Variants in KDM4B observed in about 807,000 individuals in gnomAD.
KDM4B encodes the protein lysine-specific demethylase 4B.
KDM4B carries 32 observed loss-of-function variants against 125.2 expected under a neutral mutation model. The ratio of observed to expected loss-of-function variants is 0.26; its 90% CI spans 0.19 to 0.34. The LOEUF (loss-of-function observed/expected upper bound fraction) is 0.34, where lower values mean the gene tolerates loss of function less well. Among genes scored for constraint, KDM4B ranks in the 10% least tolerant of loss-of-function variants. The pLI is 1.00. For synonymous variants in KDM4B, 721 were observed against 677.9 expected (o/e 1.06, Z -0.99); for missense variants, 1,190 against 1,577.7 (o/e 0.75, Z 4.16).
intron 1 of KDM4B, among the ~76,000 whole-genome samples, chr19:4,981,935 C>T (rs2145327816): frequency 6.6e-6 from 1 of 152,286 alleles, no homozygotes; most frequent in South Asian, 2.1e-4. Flanking sequence ...TGCCTCACAC[C>T]ATGGCCAGAA....
intron 1 of KDM4B, among the ~76,000 whole-genome samples, chr19:5,005,740 G>A (rs774768138): frequency 5.9e-5 from 9 of 152,252 alleles, no homozygotes; most frequent in Non-Finnish European, 1.3e-4. Flanking sequence ...CTCTAAGATC[G>A]CTCTTAGAGG....
intron 6 of KDM4B, among the ~76,000 whole-genome samples, chr19:5,067,819 C>T (rs2037821791): frequency 1.3e-5 from 2 of 152,124 alleles, no homozygotes; most frequent in Admixed American, 1.3e-4. Context: ...TGCAAGACCC[C>T]GTGCCACCCG....
intron 7 of KDM4B, chr19:5,074,447 A>G (rs1423828664): frequency 6.6e-6 from 1 of 152,180 alleles, no homozygotes. Context: ...AAATGGGCTC[A>G]CCGGGAGAGT....
At chr19:5,111,367 C>A (rs1293180751) in intron 10 of KDM4B, 2 of 761,700 alleles carry the variant, frequency 2.6e-6, no homozygotes, top group African/African-American at 3.4e-5. Context: ...TGCCCTCCTC[C>A]CACTCAGAAC....
chr19:4,994,881 G>C (rs999146320), intron 1 of KDM4B, among the ~76,000 whole-genome samples: 10 of 152,140 alleles, frequency 6.6e-5, no homozygotes, highest in Non-Finnish European at 1.2e-4. Flanking sequence ...AGTAGTTGCT[G>C]TCGGTCTTAT....
At chr19:5,143,761 G>A (rs919790064) in intron 18 of KDM4B, among the ~76,000 whole-genome samples, 2 of 152,214 alleles carry the variant, frequency 1.3e-5, no homozygotes, top group African/African-American at 4.8e-5. Context: ...AGGCTGAGCA[G>A]CAGGAGGCTG....
At chr19:5,062,074 G>C (rs1026091922) in intron 6 of KDM4B, among the ~76,000 whole-genome samples, 1 of 152,208 alleles carries the variant, frequency 6.6e-6, no homozygotes, top group Non-Finnish European at 1.5e-5. Context: ...CGTTTCTCCT[G>C]TGAGTCTTTG....
chr19:5,099,749 C>CA (rs2038896255), intron 9 of KDM4B, among the ~76,000 whole-genome samples: 2 of 152,234 alleles, frequency 1.3e-5, no homozygotes, highest in Non-Finnish European at 2.9e-5. Context: ...AAAGAGCCCC[C>CA]AGAGAGCTCC....
chr19:5,049,944 C>T (rs1392755597), intron 6 of KDM4B, among the ~76,000 whole-genome samples: 1 of 151,938 alleles, frequency 6.6e-6, no homozygotes. Context: ...GAGTGTCTGG[C>T]CTCTGGTCCC....
At position 5,144,145 on chromosome 19, in the gene KDM4B, G is replaced by A; in HGVS notation, c.2729G>A (p.Gly910Asp). 1 of 1,596,022 alleles carries A rather than the reference G, an allele frequency of 6.3e-7. No homozygotes were observed. Among genetic ancestry groups the A allele is most frequent in the Non-Finnish European group, 8.6e-7 (1 of 1,166,768 alleles). ...SITCLKHKSG[G>D]HAVQLLRAVS... The stretch of plus-strand genomic sequence containing the variant: ...ACCTGCCTCAAGCACAAGTCGGGGG[G>A]TCACGCTGTGAGTGCCTGCCCGCCT... The change falls in exon 19 of 23, where the codon GGT (glycine) becomes GAT (aspartate). Residue 910 changes from glycine to aspartate, a missense_variant. By Grantham distance (94) the Gly-to-Asp change is moderately conservative (BLOSUM62 -1). This residue lies in a region of KDM4B where 298 missense variants were observed against 439.7 expected (regional missense o/e 0.68). Coordinates refer to ENST00000159111, the MANE Select transcript of KDM4B (RefSeq NM_015015.3).
chr19:5,036,904 T>C (rs1018899531), intron 3 of KDM4B, among the ~76,000 whole-genome samples: 4 of 152,234 alleles, frequency 2.6e-5, no homozygotes, highest in African/African-American at 9.6e-5. Flanking sequence ...TCGTTCACGC[T>C]GCCTGTCAGC....
intron 7 of KDM4B, among the ~76,000 whole-genome samples, chr19:5,073,598 C>T (rs1317073377): frequency 6.6e-6 from 1 of 152,352 alleles, no homozygotes; most frequent in South Asian, 2.1e-4. Context: ...TTGACAGGAG[C>T]CTGCTGGAGA....
At chr19:5,064,584 G>A (rs533926102) in intron 6 of KDM4B, among the ~76,000 whole-genome samples, 4 of 152,272 alleles carry the variant, frequency 2.6e-5, no homozygotes, top group African/African-American at 9.6e-5. Flanking sequence ...TGTCACCTGG[G>A]AGAAAGCTAC....
chr19:5,088,808 G>A (rs957033284), intron 9 of KDM4B, among the ~76,000 whole-genome samples: 1 of 152,190 alleles, frequency 6.6e-6, no homozygotes, highest in Non-Finnish European at 1.5e-5. Context: ...AAGGAAGAAT[G>A]TGCATTGTTG....
At chr19:5,125,818 CAG>C in intron 11 of KDM4B, among the ~76,000 whole-genome samples, 1 of 94,386 alleles carries the variant, frequency 1.1e-5, no homozygotes, top group East Asian at 3.9e-4. Context: ...TGTTCCACGA[CAG>C]AGACTCCTGG....
chr19:5,026,932 G>T (rs947753844), intron 2 of KDM4B, among the ~76,000 whole-genome samples: 3 of 152,220 alleles, frequency 2.0e-5, no homozygotes, highest in African/African-American at 7.2e-5. Flanking sequence ...GATGGGGCAG[G>T]GCGGTGGGAG....
intron 7 of KDM4B, among the ~76,000 whole-genome samples, chr19:5,073,134 G>A (rs2038000213): frequency 6.6e-6 from 1 of 152,232 alleles, no homozygotes; most frequent in Non-Finnish European, 1.5e-5. Context: ...GTCCCTTTCA[G>A]CATGGAAGGT....
Position 5,131,220 on chromosome 19 carries a change from C to A in KDM4B, c.1460C>A (p.Pro487His). The A allele has an allele frequency of 6.2e-6, 10 of 1,606,576 alleles. No individual in the cohort carries two copies. The highest frequency in any genetic ancestry group is 1.3e-5 in the African/African-American group (1 of 74,948). The change falls in exon 12 of 23, where the codon CCC (proline) becomes CAC (histidine). Residue 487 changes from proline to histidine, a missense_variant. By Grantham distance (77) the Pro-to-His change is moderately conservative. Coordinates refer to ENST00000159111, the MANE Select transcript of KDM4B (RefSeq NM_015015.3). The part of the protein sequence containing the change: ...EALWLPSPLE[P>H]PVLGPGPAAM... Reference sequence around the variant, plus strand: ...CTGTGGCTGCCATCCCCACTGGAGCCCCCGGTGCTGGGCCCAGGCCCTGCA... The same window carrying A: ...CTGTGGCTGCCATCCCCACTGGAGCACCCGGTGCTGGGCCCAGGCCCTGCA...
In KDM4B at chr19:5,151,331, G is replaced by T. The variant is rs372249662; in HGVS notation, c.3115-4G>T. 3.9e-6 allele frequency: 6 copies of T among 1,535,158 alleles called. No individual in the cohort carries two copies. In the African/African-American group the frequency reaches 5.7e-5, roughly 15 times the overall value. The stretch of plus-strand genomic sequence containing the variant: ...CTAACCACTGTGCTTCCGCTCTCCC[G>T]CAGTCACTGAGCACGGGGGCACCGC... On this transcript the variant is annotated splice_polypyrimidine_tract_variant and splice_region_variant and intron_variant, in intron 22 of 22. Coordinates refer to ENST00000159111, the MANE Select transcript of KDM4B (RefSeq NM_015015.3).
Sources: gnomAD v4.1 joint callset for allele counts (sites outside exome capture counted in the v4.1 genomes callset) on GRCh38, gnomAD v4.1.1 for gene constraint, gnomAD v4.1.1 regional missense constraint, MANE v1.5 for transcripts, NCBI Gene and HGNC (gene_info 2026-07-23, HGNC 2026-07-21) for gene names.